The following THBS4 variants were observed in gnomAD, a reference collection of about 807,000 sequenced individuals.
THBS4 encodes thrombospondin 4.
A neutral mutation model predicts 115.7 loss-of-function variants in THBS4; 90 were observed. The observed-to-expected ratio is 0.78, with a 90% CI of 0.66 to 0.93. The LOEUF (loss-of-function observed/expected upper bound fraction) is 0.93. Ranked by LOEUF, THBS4 falls within the 40% of genes least tolerant of loss-of-function variation. THBS4 has a pLI of 0.00. For missense variants in THBS4, 1,087 were observed against 1,232.7 expected (o/e 0.88, Z 1.77); for synonymous variants, 460 against 479.3 (o/e 0.96, Z 0.53).
chr5:80,033,942 C>T (rs1189285805), upstream of THBS4, among the ~76,000 whole-genome samples: 1 of 152,178 alleles, frequency 6.6e-6, no homozygotes, highest in East Asian at 1.9e-4. Flanking sequence ...ATTGTCTTCA[C>T]AGAAAATCTT....
At chr5:80,046,997 A>G (rs73770697) in intron 2 of THBS4, among the ~76,000 whole-genome samples, 17 of 152,378 alleles carry the variant, frequency 1.1e-4, no homozygotes, top group African/African-American at 4.1e-4. Flanking sequence ...ATGTAAAGCT[A>G]TCAACTAGGA....
chr5:80,079,369 T>C, intron 19 of THBS4, 111 bp downstream of exon 19: 1 of 1,203,842 alleles, frequency 8.3e-7, no homozygotes, highest in East Asian at 2.5e-5. Context: ...AATTGATGCA[T>C]TTATGCTAAC....
chr5:80,067,797 G>A, intron 9 of THBS4, 176 bp from the exon 10 acceptor site: 1 of 657,200 alleles, frequency 1.5e-6, no homozygotes, highest in East Asian at 2.9e-5. Context: ...GTCTGATGGT[G>A]TTTTCATCAA....
intron 2 of THBS4, among the ~76,000 whole-genome samples, chr5:80,006,748 G>A (rs1201375680): frequency 2.6e-5 from 4 of 152,284 alleles, no homozygotes; most frequent in Admixed American, 2.6e-4. Flanking sequence ...TTAGAATAAA[G>A]GGGGCAGGGT....
intron 1 of THBS4, among the ~76,000 whole-genome samples, chr5:79,996,003 G>A (rs1831785882): frequency 6.6e-6 from 1 of 151,754 alleles, no homozygotes; most frequent in Non-Finnish European, 1.5e-5. Flanking sequence ...TGGATGTGGT[G>A]GCGCACACCT....
At chr5:80,076,816 C>A in intron 15 of THBS4, 39 bp from the exon 16 acceptor site, 1 of 1,490,948 alleles carries the variant, frequency 6.7e-7, no homozygotes, top group Non-Finnish European at 9.0e-7. Context: ...CTGTTCCCTG[C>A]TGAACTGTGA....
intron 2 of THBS4, among the ~76,000 whole-genome samples, chr5:80,000,713 G>A (rs1172574060): frequency 6.6e-6 from 1 of 152,170 alleles, no homozygotes; most frequent in Admixed American, 6.5e-5. Context: ...AGGATAAGAT[G>A]AGAGTGAGCA....
intron 2 of THBS4, among the ~76,000 whole-genome samples, chr5:80,023,456 A>C (rs1832418208): frequency 6.6e-6 from 1 of 152,198 alleles, no homozygotes; most frequent in Non-Finnish European, 1.5e-5. Flanking sequence ...CATTTACAAG[A>C]GGGTTAGGTG....
At chr5:80,017,277 T>C (rs980365305) in intron 2 of THBS4, among the ~76,000 whole-genome samples, 33 of 152,146 alleles carry the variant, frequency 2.2e-4, no homozygotes, top group Non-Finnish European at 4.4e-4. Context: ...CTGAAAGAAA[T>C]TTTTTATTTA....
rs756889254 is a variant in THBS4 at position 80,055,906 on chromosome 5, C to G, written c.414C>G (p.Ala138=). Residue 138 remains alanine, a synonymous_variant, in exon 3 of 22, where the codon GCC becomes GCG. Transcript: ENST00000350881. ...GGCTGAGCAATTTGCAGCGAGGGGC[C>G]GGCTCCCTAGAGCTCTACCTGGACT... The part of the protein sequence containing the change: ...LLRLSNLQRG[A]GSLELYLDCI... The G allele has an allele frequency of 3.1e-6, 5 of 1,614,140 alleles. 1 individual carries two copies. The highest frequency in any genetic ancestry group is 2.2e-5 in the East Asian group (1 of 44,890).
intron 1 of THBS4, among the ~76,000 whole-genome samples, chr5:80,037,673 T>C (rs1832760478): frequency 1.3e-5 from 2 of 152,214 alleles, no homozygotes; most frequent in Admixed American, 6.5e-5. Context: ...ATGAACCTGA[T>C]CATAGTCAAA....
chr5:80,035,606 C>T lies in THBS4; in HGVS notation c.69C>T (p.Gly23=). 7.2e-7 allele frequency: 1 copy of T among 1,395,272 alleles called. No homozygotes were observed. Among genetic ancestry groups the T allele is most frequent in the Non-Finnish European group, 9.3e-7 (1 of 1,075,428 alleles). 86.4% of individuals were successfully genotyped at this position (1,395,272 alleles called of 1,614,324 possible). A position where few individuals can be genotyped will look rare whatever the true frequency, so the allele number is the denominator to read the frequency against. ...TCCTGCAGCGGTGGCTAGCGGCAGGCGCCCAGGCCACCCCCCAGGGTAAGT... is the reference window on the plus strand; with the variant it reads ...TCCTGCAGCGGTGGCTAGCGGCAGGTGCCCAGGCCACCCCCCAGGGTAAGT... ...HLVLQRWLAA[G]AQATPQVFDL... The change falls in exon 1 of 22, where the codon GGC becomes GGT. Residue 23 remains glycine, a synonymous_variant. Transcript: ENST00000350881. The surrounding 1 kb of genome is among the most constrained non-coding windows in gnomAD (Gnocchi z 4.6).
At chr5:80,013,558 C>G (rs1283989025) in intron 2 of THBS4, among the ~76,000 whole-genome samples, 4 of 152,128 alleles carry the variant, frequency 2.6e-5, no homozygotes, top group Non-Finnish European at 5.9e-5. Flanking sequence ...ATGTTTGCCT[C>G]TGGGATTTAG....
chr5:80,006,098 T>C (rs568766076), intron 2 of THBS4, among the ~76,000 whole-genome samples: 1 of 152,272 alleles, frequency 6.6e-6, no homozygotes, highest in South Asian at 2.1e-4. Context: ...GCATGTATTA[T>C]AGTTTTCCTG....
chr5:80,079,363 G>A, intron 19 of THBS4, 105 bp downstream of exon 19: 3 of 1,261,326 alleles, frequency 2.4e-6, no homozygotes, highest in Non-Finnish European at 3.2e-6. Context: ...AAAAAAAATT[G>A]ATGCATTTAT....
intron 15 of THBS4, among the ~76,000 whole-genome samples, chr5:80,074,094 G>T (rs1743065123): frequency 6.6e-6 from 1 of 152,224 alleles, no homozygotes; most frequent in African/African-American, 2.4e-5. Flanking sequence ...GCTCATTATG[G>T]TTTCTGTTAT....
At chr5:80,036,365 G>A (rs1198778560) in intron 1 of THBS4, among the ~76,000 whole-genome samples, 1 of 152,108 alleles carries the variant, frequency 6.6e-6, no homozygotes, top group Non-Finnish European at 1.5e-5. Context: ...AGTAGACACT[G>A]GGGACTCCAA....
chr5:80,006,299 A>G (rs1409059821), intron 2 of THBS4, among the ~76,000 whole-genome samples: 1 of 152,170 alleles, frequency 6.6e-6, no homozygotes, highest in Non-Finnish European at 1.5e-5. Context: ...TGGTAGGAGA[A>G]TCATGGGGGT....
intron 2 of THBS4, among the ~76,000 whole-genome samples, chr5:80,020,473 C>A (rs1832348576): frequency 1.3e-5 from 2 of 151,760 alleles, no homozygotes; most frequent in South Asian, 4.2e-4. Context: ...GACTCCATCT[C>A]AAAAAACAAA....
Sources: gnomAD v4.1 joint callset for allele counts (sites outside exome capture counted in the v4.1 genomes callset) on GRCh38, gnomAD v4.1.1 for gene constraint, Gnocchi (gnomAD v3.1) non-coding constraint, MANE v1.5 for transcripts, NCBI Gene and HGNC (gene_info 2026-07-23, HGNC 2026-07-21) for gene names.